Variants in EIF2D observed in about 807,000 individuals in gnomAD.
The protein encoded by EIF2D is hepatocellular carcinoma-associated antigen 56.
A neutral mutation model predicts 77.4 loss-of-function variants in EIF2D; 56 were observed. The ratio of observed to expected loss-of-function variants is 0.72; its 90% confidence interval spans 0.58 to 0.90. EIF2D has a LOEUF of 0.90. EIF2D is among the 40% of genes least tolerant of loss of function. EIF2D has a pLI of 0.00. For synonymous variants in EIF2D, 230 were observed against 271.0 expected (o/e 0.85, Z 1.49); for missense variants, 574 against 706.5 (o/e 0.81, Z 2.13).
intron 5 of EIF2D, 40 bp from the exon 6 acceptor site, chr1:206,603,244 C>T (rs1553411850): frequency 1.2e-6 from 2 of 1,600,354 alleles, no homozygotes; most frequent in East Asian, 4.5e-5. Context: ...GCAGCAGCTC[C>T]AATACTCTCC....
At chr1:206,576,008 C>G (rs1434018711) in intron 4 of EIF2D, among the ~76,000 whole-genome samples, 1 of 152,210 alleles carries the variant, frequency 6.6e-6, no homozygotes, top group Non-Finnish European at 1.5e-5. Context: ...ACCCAATCAA[C>G]AGGTATTTAT....
rs1669014698 is a variant in EIF2D at position 206,584,305 on chromosome 1, G to C, written c.139-3143C>G. ...GAACTCAAGGAGACAGGTGGGTGCT[G>C]CTGGGGCAATGGCCCCGAGTGGCAG... On this transcript the variant is annotated intron_variant and NMD_transcript_variant, in intron 2 of 5. Coordinates refer to the EIF2D transcript ENST00000472709. The surrounding 1 kb of genome is among the most constrained non-coding windows in gnomAD (Gnocchi z 4.9). The C allele has an allele frequency of 7.3e-7, 1 of 1,378,020 alleles. No homozygotes were observed. The highest frequency in any genetic ancestry group is 1.4e-5 in the South Asian group (1 of 72,950). 85.4% of individuals were successfully genotyped at this position (1,378,020 alleles called of 1,614,324 possible).
At chr1:206,591,494 C>A, downstream of EIF2D, 1 of 467,378 alleles carries the variant, frequency 2.1e-6, no homozygotes, top group Non-Finnish European at 3.8e-6. Flanking sequence ...ATGGGCTGGC[C>A]TGCCTGGAAA....
In EIF2D at chr1:206,608,311, C is replaced by T. The variant is rs1553413129; in HGVS notation, c.347G>A (p.Gly116Glu). The T allele has an allele frequency of 6.2e-7, 1 of 1,611,866 alleles. No homozygotes were observed. Among genetic ancestry groups the T allele is most frequent in the Admixed American group, 1.7e-5 (1 of 59,824 alleles). The change falls in exon 4 of 15, where the codon GGA (glycine) becomes GAA (glutamate). Residue 116 changes from glycine to glutamate, a missense_variant. Coordinates refer to ENST00000271764, the MANE Select transcript of EIF2D (RefSeq NM_006893.3). ...LVGGADLMLP[G>E]LVMPPAGLPQ... ...CAGACCAGCAGGGGGCATCACCAGT[C>T]CAGGCAGCATCAAATCTGCAATGAA... is the stretch of plus-strand genomic sequence containing the variant.
At chr1:206,607,345 A>G (rs1479354420) in intron 4 of EIF2D, among the ~76,000 whole-genome samples, 1 of 152,266 alleles carries the variant, frequency 6.6e-6, no homozygotes, top group African/African-American at 2.4e-5. Flanking sequence ...TGTGTAGGAC[A>G]ATGACAAGAA....
chr1:206,578,963 C>T (rs899502908), intron 4 of EIF2D, among the ~76,000 whole-genome samples: 1 of 152,110 alleles, frequency 6.6e-6, no homozygotes, highest in Admixed American at 6.5e-5. Flanking sequence ...AGGCCCCAGA[C>T]GAAAGGGGTA....
intron 2 of EIF2D, chr1:206,583,457 A>G (rs1572370656): frequency 6.2e-6 from 6 of 971,264 alleles, no homozygotes; most frequent in Non-Finnish European, 6.6e-6. Context: ...CTCACTCTGA[A>G]TTCTGTGGCT....
At chr1:206,600,346 CA>C in intron 7 of EIF2D, 38 bp from the exon 8 acceptor site, 3 of 1,597,160 alleles carry the variant, frequency 1.9e-6, no homozygotes, top group Non-Finnish European at 2.6e-6. Context: ...AACTAATGAG[CA>C]GTCATACTGG....
chr1:206,584,766 G>C lies in EIF2D; in HGVS notation c.139-3604C>G. The C allele has an allele frequency of 6.8e-7, 1 of 1,480,582 alleles. No individual in the cohort carries two copies. The highest frequency in any genetic ancestry group is 9.3e-7 in the Non-Finnish European group (1 of 1,080,416). 91.7% of individuals were successfully genotyped at this position (1,480,582 alleles called of 1,614,324 possible). A position where few individuals can be genotyped will look rare whatever the true frequency, so the allele number is the denominator to read the frequency against. ...ACCCACTAAAACTCCTGCCGGCCTT[G>C]GGTGGGAGCTGTGGGCTTCTCCTGA... On this transcript the variant is annotated intron_variant and NMD_transcript_variant, in intron 2 of 5. Coordinates refer to the EIF2D transcript ENST00000472709. The surrounding 1 kb of genome is among the most constrained non-coding windows in gnomAD (Gnocchi z 4.9).
At chr1:206,583,000 G>A in intron 2 of EIF2D, 1 of 361,094 alleles carries the variant, frequency 2.8e-6, no homozygotes. Flanking sequence ...CTCAAGACAA[G>A]CCTGTGCAGT....
chr1:206,603,492 TAAAGAA>T (rs1553411897), intron 5 of EIF2D: 4 of 298,456 alleles, frequency 1.3e-5, no homozygotes, highest in East Asian at 5.7e-5. Context: ...TGAGAAAGAT[TAAAGAA>T]AAAGGAGTTT....
chr1:206,608,129 T>G (rs1670286331), intron 4 of EIF2D, 107 bp downstream of exon 4: 1 of 1,089,236 alleles, frequency 9.2e-7, no homozygotes, highest in African/African-American at 1.6e-5. Context: ...CCAAAACCGA[T>G]TTTTGCTTTC....
At chr1:206,588,245 G>A (rs2102266564), downstream of EIF2D, 1 of 152,906 alleles carries the variant, frequency 6.5e-6, no homozygotes, top group African/African-American at 2.4e-5. Flanking sequence ...GGCCAGGAGA[G>A]CCCGCGTTCA....
At chr1:206,607,035 C>T (rs1553412852) in intron 4 of EIF2D, among the ~76,000 whole-genome samples, 1 of 152,088 alleles carries the variant, frequency 6.6e-6, no homozygotes, top group African/African-American at 2.4e-5. Context: ...AATAAGATAA[C>T]GTTTGTAATA....
Position 206,612,392 on chromosome 1 carries a change from A to G in EIF2D, c.-50T>C, listed in dbSNP as rs782372329. Reference sequence around the variant, plus strand: ...AGAGCACAGAAGCCAGGGAATGTCAAGAAAGCGAGGGCGCAGCAGCTGCCA... The same window carrying G: ...AGAGCACAGAAGCCAGGGAATGTCAGGAAAGCGAGGGCGCAGCAGCTGCCA... On this transcript the variant is annotated 5_prime_UTR_variant, in exon 1 of 15. Transcript: ENST00000271764. The G allele has an allele frequency of 5.0e-6, 8 of 1,612,850 alleles. No homozygotes were observed. In the African/African-American group the frequency reaches 8.0e-5, roughly 16 times the overall value.
chr1:206,605,421 T>C lies in EIF2D; in HGVS notation c.509A>G (p.His170Arg). Residue 170 changes from histidine to arginine, a missense_variant, in exon 5 of 15, where the codon CAC (histidine) becomes CGC (arginine). Physicochemically the swap from His to Arg is conservative, Grantham distance 29. Coordinates refer to ENST00000271764, the MANE Select transcript of EIF2D (RefSeq NM_006893.3). ...CCACCACAAGTGGTCCTGGTAAGTG[T>C]GGAGCACAGAGAAGCCCCTTCCCTT... ...GLKGRGFSVL[H>R]TYQDHLWRSG... The C allele has an allele frequency of 6.2e-7, 1 of 1,614,058 alleles. No homozygotes were observed. The highest frequency in any genetic ancestry group is 8.5e-7 in the Non-Finnish European group (1 of 1,179,998).
intron 4 of EIF2D, among the ~76,000 whole-genome samples, chr1:206,578,620 A>G (rs1668748605): frequency 6.6e-6 from 1 of 152,082 alleles, no homozygotes; most frequent in African/African-American, 2.4e-5. Context: ...TTTTTAGCAA[A>G]AATTAGGTTT....
At position 206,591,773 on chromosome 1, in the gene EIF2D, T is replaced by A. The variant is rs782622083; in HGVS notation, c.*2A>T. On this transcript the variant is annotated 3_prime_UTR_variant, in exon 15 of 15. Transcript: ENST00000271764. ...ATCCACCACGTGAGACAAAAGAGTC[T>A]GTCACTTCTTCTTGCCAGGTTTGAG... is the stretch of plus-strand genomic sequence containing the variant. The A allele has an allele frequency of 6.2e-7, 1 of 1,614,170 alleles. No homozygotes were observed. The highest frequency in any genetic ancestry group is 1.1e-5 in the South Asian group (1 of 91,086).
chr1:206,607,984 T>C (rs6674830), intron 4 of EIF2D, among the ~76,000 whole-genome samples: 27,211 of 151,860 alleles, frequency 0.18, 3,273 homozygotes, highest in African/African-American at 0.34. Flanking sequence ...AAAAATAAAA[T>C]AAAATAAAAT....
Sources: allele counts gnomAD v4.1 joint callset (sites outside exome capture counted in the v4.1 genomes callset), GRCh38; gene constraint gnomAD v4.1.1; non-coding constraint Gnocchi (gnomAD v3.1); transcripts MANE v1.5; gene names NCBI Gene and HGNC (gene_info 2026-07-23, HGNC 2026-07-21).